The following PCDHGA4 variants were observed in gnomAD, a reference collection of about 807,000 sequenced individuals.
PCDHGA4 encodes protocadherin gamma-A4.
PCDHGA4 carries 38 observed loss-of-function variants against 54.6 expected under a neutral mutation model. The ratio of observed to expected loss-of-function variants is 0.70; its 90% CI spans 0.54 to 0.91. PCDHGA4 has a LOEUF of 0.91. Among genes scored for constraint, PCDHGA4 ranks in the 40% least tolerant of loss-of-function variants. The pLI is 0.00. For missense variants in PCDHGA4, 1,298 were observed against 1,220.9 expected, an observed-to-expected ratio of 1.06 and a Z score of -0.94; for synonymous variants, 511 against 512.9, an observed-to-expected ratio of 1.00 and a Z score of 0.05.
At chr5:141,382,924 G>A in intron 1 of PCDHGA4, 1 of 1,568,666 alleles carries the variant, frequency 6.4e-7, no homozygotes, top group Non-Finnish European at 8.7e-7. Flanking sequence ...GAGGGGCGGG[G>A]ACTACAGAGG....
chr5:141,490,566 C>T lies in PCDHGA4; in HGVS notation c.2515-4241C>T. 3 of 1,614,132 alleles carry T rather than the reference C, an allele frequency of 1.9e-6. No homozygotes were observed. Among genetic ancestry groups the T allele is most frequent in the Non-Finnish European group, 2.5e-6 (3 of 1,180,028 alleles). On this transcript the variant is annotated intron_variant, in intron 1 of 3. Transcript: ENST00000571252. This position sits in a 1 kb window ranked among gnomAD's most constrained non-coding sequence, Gnocchi z 5.4. ...TACACAAACATCTCACCATCAGGCT[C>T]AACATTTCAGATGTCAATGACAATG...
At chr5:141,389,140 C>T in intron 1 of PCDHGA4, 3 of 1,613,996 alleles carry the variant, frequency 1.9e-6, no homozygotes, top group Non-Finnish European at 2.5e-6. Context: ...TACAATATAA[C>T]CGTTACGGCA....
intron 1 of PCDHGA4, chr5:141,478,259 T>G: frequency 6.2e-7 from 1 of 1,614,182 alleles, no homozygotes. Context: ...AGTAATCATA[T>G]TCAAAGTTTA....
At position 141,356,736 on chromosome 5, in the gene PCDHGA4, G is replaced by C; in HGVS notation, c.1629G>C (p.Gly543=). Residue 543 remains glycine (G), a synonymous_variant, in exon 1 of 4, where the codon GGG becomes GGC. Coordinates refer to ENST00000571252, the MANE Select transcript of PCDHGA4 (RefSeq NM_018917.4). ...ATGTCTCCATCAACTCCAATACAGG[G>C]ATCCTATATGCTCTTTGCTCCTTCG... ...SSYVSINSNT[G]ILYALCSFDY... 1 of 1,613,970 alleles carries C rather than the reference G, an allele frequency of 6.2e-7. No homozygotes were observed. Among genetic ancestry groups the C allele is most frequent in the Non-Finnish European group, 8.5e-7 (1 of 1,179,878 alleles).
intron 1 of PCDHGA4, chr5:141,418,363 C>T (rs147423305): frequency 4.4e-4 from 703 of 1,613,984 alleles, no homozygotes; most frequent in Non-Finnish European, 5.5e-4. Flanking sequence ...ATTCGCTGAG[C>T]AAATACCAAC....
At chr5:141,371,932 TG>T (rs1268806943) in intron 1 of PCDHGA4, 1 of 1,612,998 alleles carries the variant, frequency 6.2e-7, no homozygotes, top group South Asian at 1.1e-5. Context: ...CGGAGCGGGG[TG>T]GTGTTCGCGC....
In PCDHGA4 at chr5:141,490,442, A is replaced by T. The variant is rs757900187; in HGVS notation, c.2515-4365A>T. On this transcript the variant is annotated intron_variant, in intron 1 of 3. Transcript: ENST00000571252. The surrounding 1 kb of genome is among the most constrained non-coding windows in gnomAD (Gnocchi z 5.4). ...CTGCCATTTCAGATTAAGCCTTCTG[A>T]GAACCACTACTCGCTGCTAACCAGC... 16 of 1,614,092 alleles carry T rather than the reference A, an allele frequency of 9.9e-6. No individual in the cohort carries two copies. Among genetic ancestry groups the T allele is most frequent in the Non-Finnish European group, 1.2e-5 (14 of 1,180,044 alleles).
Position 141,370,267 on chromosome 5 carries a change from C to T in PCDHGA4, c.2514+12646C>T. On this transcript the variant is annotated intron_variant, in intron 1 of 3. Coordinates refer to ENST00000571252, the MANE Select transcript of PCDHGA4 (RefSeq NM_018917.4). ...GCACTCTCTATCAGGCTTCCTGCAG[C>T]GGAGACACCCATTAGAGAACCCAAG... The T allele has an allele frequency of 6.5e-6, 5 of 767,402 alleles. No homozygotes were observed. The East Asian group carries it at 1.1e-4, about 17-fold the overall frequency. 47.5% of individuals were successfully genotyped at this position (767,402 alleles called of 1,614,324 possible). A position where few individuals can be genotyped will look rare whatever the true frequency, so the allele number is the denominator to read the frequency against.
intron 1 of PCDHGA4, among the ~76,000 whole-genome samples, chr5:141,450,750 G>C (rs778218781): frequency 1.1e-4 from 16 of 152,002 alleles, no homozygotes; most frequent in Admixed American, 2.0e-4. Context: ...GCCTCCCAAA[G>C]TGCCGGGATT....
chr5:141,393,001 G>A (rs775192271), intron 1 of PCDHGA4: 1 of 1,613,908 alleles, frequency 6.2e-7, no homozygotes, highest in South Asian at 1.1e-5. Flanking sequence ...GCGAAGCACG[G>A]AGTCCGTATC....
chr5:141,449,073 T>C (rs889880816), intron 1 of PCDHGA4, among the ~76,000 whole-genome samples: 1 of 152,246 alleles, frequency 6.6e-6, no homozygotes, highest in African/African-American at 2.4e-5. Flanking sequence ...TGAATAGCCC[T>C]GTACCTACAT....
At chr5:141,408,317 G>A in intron 1 of PCDHGA4, 1 of 1,613,892 alleles carries the variant, frequency 6.2e-7, no homozygotes, top group Non-Finnish European at 8.5e-7. Context: ...CTCGATTCCG[G>A]AGGAGCTGGC....
intron 1 of PCDHGA4, among the ~76,000 whole-genome samples, chr5:141,373,452 G>A (rs1032272285): frequency 6.6e-6 from 1 of 152,218 alleles, no homozygotes; most frequent in South Asian, 2.1e-4. Context: ...GATCCCAGGA[G>A]GTAGCAGCTG....
chr5:141,366,360 G>T, intron 1 of PCDHGA4: 1 of 1,614,024 alleles, frequency 6.2e-7, no homozygotes. Context: ...GACCTAGGCA[G>T]TATCAAGACC....
chr5:141,437,000 G>A (rs1197061999), intron 1 of PCDHGA4, among the ~76,000 whole-genome samples: 1 of 152,198 alleles, frequency 6.6e-6, no homozygotes, highest in Non-Finnish European at 1.5e-5. Flanking sequence ...TTACTTCAAT[G>A]GGATCTTAGA....
chr5:141,415,843 G>T (rs1022622333), intron 1 of PCDHGA4: 36 of 1,251,418 alleles, frequency 2.9e-5, no homozygotes, highest in Non-Finnish European at 3.6e-5. Flanking sequence ...GATTAGCTTT[G>T]CAGAACCTTG....
intron 1 of PCDHGA4, chr5:141,427,502 G>A (rs1276688816): frequency 1.7e-6 from 1 of 576,718 alleles, no homozygotes; most frequent in East Asian, 4.0e-5. Flanking sequence ...TAACAGATGG[G>A]ACCCTGGATT....
At chr5:141,390,217 T>C (rs373008153) in intron 1 of PCDHGA4, 21 of 1,613,944 alleles carry the variant, frequency 1.3e-5, no homozygotes, top group Non-Finnish European at 1.8e-5. Flanking sequence ...CAAGACATAC[T>C]TTGCGGTGAT....
intron 1 of PCDHGA4, among the ~76,000 whole-genome samples, chr5:141,482,771 A>ACCTAAAATCTCAAACAC (rs1168136626): frequency 4.9e-5 from 7 of 141,414 alleles, no homozygotes; most frequent in African/African-American, 8.5e-5. Flanking sequence ...ATTATCACTG[A>ACCTAAAATCTCAAACAC]ACCTTAAACT....
Sources: allele counts gnomAD v4.1 joint callset (sites outside exome capture counted in the v4.1 genomes callset), GRCh38; gene constraint gnomAD v4.1.1; non-coding constraint Gnocchi (gnomAD v3.1); transcripts MANE v1.5; gene names NCBI Gene and HGNC (gene_info 2026-07-23, HGNC 2026-07-21).